KCNMB2: variants seen among roughly 807,000 people sequenced by gnomAD.
KCNMB2 encodes potassium calcium-activated channel subfamily M regulatory beta subunit 2.
Under a neutral mutation model 24.5 loss-of-function variants are expected in KCNMB2, and 9 were observed. That is an observed-to-expected ratio of 0.37 (90% confidence interval 0.22 to 0.64). KCNMB2 has a LOEUF of 0.64. KCNMB2 is among the 30% of genes least tolerant of loss of function. KCNMB2 has a pLI of 0.63. For synonymous variants in KCNMB2, 109 were observed against 104.4 expected, an observed-to-expected ratio of 1.04 and a Z score of -0.27; for missense variants, 226 against 284.3, an observed-to-expected ratio of 0.79 and a Z score of 1.47.
At chr3:178,817,227 A>ATATATATATATATATATATATATATAT (rs1408060884) in intron 2 of KCNMB2, among the ~76,000 whole-genome samples, 9 of 148,358 alleles carry the variant, frequency 6.1e-5, no homozygotes, top group African/African-American at 2.3e-4. Flanking sequence ...ATATATATAT[A>ATATATATATATATATATATATATATAT]AATGAAGTGT....
intron 1 of KCNMB2, among the ~76,000 whole-genome samples, chr3:178,754,555 G>A (rs1207432658): frequency 1.3e-5 from 2 of 152,134 alleles, no homozygotes; most frequent in African/African-American, 2.4e-5. Flanking sequence ...TCAGTTGGAG[G>A]AATCAGAGGT....
intron 1 of KCNMB2, among the ~76,000 whole-genome samples, chr3:178,724,163 T>C (rs1172857772): frequency 6.6e-6 from 1 of 152,068 alleles, no homozygotes; most frequent in Non-Finnish European, 1.5e-5. Flanking sequence ...GTTATTGTTT[T>C]TGTTGTTGTT....
chr3:178,611,505 C>T (rs1415899321), intron 1 of KCNMB2, among the ~76,000 whole-genome samples: 1 of 152,110 alleles, frequency 6.6e-6, no homozygotes, highest in Non-Finnish European at 1.5e-5. Context: ...GAGATCAAGA[C>T]CATCCTGGCC....
At chr3:178,590,364 C>T (rs1717620819) in intron 1 of KCNMB2, among the ~76,000 whole-genome samples, 1 of 152,062 alleles carries the variant, frequency 6.6e-6, no homozygotes, top group South Asian at 2.1e-4. Context: ...TCTTAGTTGA[C>T]ATTGGATTTA....
chr3:178,759,589 A>G (rs1172238155), intron 1 of KCNMB2, among the ~76,000 whole-genome samples: 46 of 131,576 alleles, frequency 3.5e-4, no homozygotes, highest in African/African-American at 1.3e-3. Flanking sequence ...ATATATACAT[A>G]TATCTCTCTC....
At chr3:178,701,993 T>G (rs1722114810) in intron 1 of KCNMB2, among the ~76,000 whole-genome samples, 1 of 152,068 alleles carries the variant, frequency 6.6e-6, no homozygotes, top group Non-Finnish European at 1.5e-5. Context: ...GTACATTTAT[T>G]GCGGCACTAC....
chr3:178,725,596 T>C (rs1722941580), intron 1 of KCNMB2, among the ~76,000 whole-genome samples: 2 of 152,048 alleles, frequency 1.3e-5, no homozygotes, highest in South Asian at 2.1e-4. Flanking sequence ...AATTCTACTG[T>C]GGTCAGAGAT....
intron 1 of KCNMB2, among the ~76,000 whole-genome samples, chr3:178,637,764 A>G (rs954246783): frequency 1.3e-5 from 2 of 151,974 alleles, no homozygotes; most frequent in African/African-American, 4.8e-5. Flanking sequence ...CTCATAACAA[A>G]CCCTGCATAT....
intron 1 of KCNMB2, among the ~76,000 whole-genome samples, chr3:178,551,676 C>T (rs1715957340): frequency 6.6e-6 from 1 of 152,170 alleles, no homozygotes; most frequent in African/African-American, 2.4e-5. Context: ...TCAGTTATAG[C>T]TTGTGAGCCC....
In KCNMB2 at chr3:178,813,983, TTGCTGC is replaced by T. The variant is rs777105352; in HGVS notation, c.56+6527_56+6532del. The stretch of plus-strand genomic sequence containing the variant: ...GTTGTTGTTGTTGTTGTTGTTGTTG[TTGCTGC>T]TGCTGCTGTTGTTTTTCTAATCGTA... On this transcript the variant is annotated intron_variant, in intron 2 of 4. Coordinates refer to ENST00000452583, the MANE Select transcript of KCNMB2 (RefSeq NM_181361.3). Among the ~76,000 whole-genome samples, 880 of 127,396 alleles carry T rather than the reference TTGCTGC, an allele frequency of 6.9e-3. 14 individuals carry two copies. Among genetic ancestry groups the T allele is most frequent in the African/African-American group, 0.023 (832 of 36,780 alleles). 83.6% of individuals were successfully genotyped at this position (127,396 alleles called of 152,430 possible).
intron 1 of KCNMB2, among the ~76,000 whole-genome samples, chr3:178,786,781 T>C (rs1713117751): frequency 6.6e-6 from 1 of 151,734 alleles, no homozygotes; most frequent in African/African-American, 2.4e-5. Context: ...GGGTGGTGTC[T>C]CATGTAATAT....
chr3:178,545,294 T>C (rs1342814056), intron 1 of KCNMB2, among the ~76,000 whole-genome samples: 1 of 152,218 alleles, frequency 6.6e-6, no homozygotes, highest in African/African-American at 2.4e-5. Context: ...TACTACACTA[T>C]GTGTGTCTGG....
intron 1 of KCNMB2, among the ~76,000 whole-genome samples, chr3:178,653,566 G>A (rs9856750): frequency 0.52 from 78,834 of 151,962 alleles, 21,173 homozygotes; most frequent in African/African-American, 0.67. Flanking sequence ...AGCTTCTATA[G>A]AGTTAAACAA....
At chr3:178,717,585 C>T (rs1343751359) in intron 1 of KCNMB2, among the ~76,000 whole-genome samples, 1 of 152,172 alleles carries the variant, frequency 6.6e-6, no homozygotes, top group African/African-American at 2.4e-5. Context: ...TTTCTGTTCA[C>T]ATTAAGTGTG....
At chr3:178,819,429 AT>A (rs1424281579) in intron 2 of KCNMB2, among the ~76,000 whole-genome samples, 1 of 151,710 alleles carries the variant, frequency 6.6e-6, no homozygotes, top group Admixed American at 6.6e-5. Context: ...TTGTCTCTCA[AT>A]CTCTCCGCCC....
At chr3:178,744,198 T>G (rs1011737572) in intron 1 of KCNMB2, among the ~76,000 whole-genome samples, 4 of 152,262 alleles carry the variant, frequency 2.6e-5, no homozygotes, top group Non-Finnish European at 4.4e-5. Flanking sequence ...GGGCTTTTAT[T>G]GTTAGGCATT....
chr3:178,726,802 A>C (rs1722981013), intron 1 of KCNMB2, among the ~76,000 whole-genome samples: 1 of 152,146 alleles, frequency 6.6e-6, no homozygotes, highest in African/African-American at 2.4e-5. Context: ...TTATGATAAT[A>C]TGAGACATTG....
chr3:178,656,949 C>G lies in KCNMB2; in HGVS notation c.-68+120238C>G, dbSNP rs968027317. ...TGAAGTTAAAAAAAGAAAAAATTCACTCAGTCAAACCCAAATGCAGGGTGT... is the reference window on the plus strand; with the variant it reads ...TGAAGTTAAAAAAAGAAAAAATTCAGTCAGTCAAACCCAAATGCAGGGTGT... On this transcript the variant is annotated intron_variant, in intron 1 of 4. Coordinates refer to ENST00000452583, the MANE Select transcript of KCNMB2 (RefSeq NM_181361.3). Among the ~76,000 whole-genome samples, 3 of 152,178 alleles carry G rather than the reference C, an allele frequency of 2.0e-5. No individual in the cohort carries two copies. In the South Asian group the frequency reaches 6.2e-4, roughly 32 times the overall value.
chr3:178,578,802 T>A (rs1231760367), intron 1 of KCNMB2, among the ~76,000 whole-genome samples: 4 of 152,070 alleles, frequency 2.6e-5, no homozygotes, highest in African/African-American at 2.4e-5. Context: ...GGTAAAGAGA[T>A]CAATGTAATG....
Sources: allele counts gnomAD v4.1 joint callset (sites outside exome capture counted in the v4.1 genomes callset), GRCh38; gene constraint gnomAD v4.1.1; transcripts MANE v1.5; gene names NCBI Gene and HGNC (gene_info 2026-07-23, HGNC 2026-07-21).